Variants in DESI2 observed in about 807,000 individuals in gnomAD.
DESI2 encodes deubiquitinase DESI2.
A neutral mutation model predicts 24.1 loss-of-function variants in DESI2; 10 were observed. The ratio of observed to expected loss-of-function variants is 0.41; its 90% CI spans 0.26 to 0.70. The LOEUF (loss-of-function observed/expected upper bound fraction) is 0.70, where lower values mean the gene tolerates loss of function less well. DESI2 is among the 30% of genes least tolerant of loss of function. The probability of loss-of-function intolerance (pLI) is 0.29; values close to 1 mark genes in which losing one functional copy is unlikely to be tolerated. For missense variants in DESI2, 122 were observed against 234.9 expected (o/e 0.52, Z 3.14); for synonymous variants, 71 against 87.7 (o/e 0.81, Z 1.06).
chr1:244,697,488 A>G lies in DESI2; in HGVS notation c.351+5468A>G, dbSNP rs534927970. On this transcript the variant is annotated intron_variant, in intron 4 of 4. Coordinates refer to ENST00000302550, the MANE Select transcript of DESI2 (RefSeq NM_016076.5). ...GGAGCCTCTGTCTCAAAAAAAAAAA[A>G]AAAAAGGACTGAGAAAAGAAAGGAT... Among the ~76,000 whole-genome samples the G allele has an allele frequency of 2.6e-4, 39 of 152,196 alleles. 1 individual carries two copies. The East Asian group carries it at 7.5e-3, about 29-fold the overall frequency.
intron 1 of DESI2, among the ~76,000 whole-genome samples, chr1:244,659,067 T>G (rs1363566035): frequency 4.0e-5 from 6 of 151,886 alleles, no homozygotes; most frequent in Non-Finnish European, 8.8e-5. Flanking sequence ...GGAATTTACC[T>G]TAATTTACTT....
In DESI2 at chr1:244,707,682, A is replaced by C. The variant is rs1219216158; in HGVS notation, c.*1893A>C. On this transcript the variant is annotated 3_prime_UTR_variant, in exon 5 of 5. Coordinates refer to ENST00000302550, the MANE Select transcript of DESI2 (RefSeq NM_016076.5). ...AGTACAGTGTTTTCTAATTCATTCA[A>C]GTATATATGATTTAAACCTGGGCTA... The C allele has an allele frequency of 6.6e-6, 1 of 152,228 alleles. No individual in the cohort carries two copies. Among genetic ancestry groups the C allele is most frequent in the Non-Finnish European group, 1.5e-5 (1 of 68,046 alleles). The allele number at this position is 152,228 out of a possible 1,614,324, so 9.4% of individuals were successfully genotyped here.
intron 1 of DESI2, among the ~76,000 whole-genome samples, chr1:244,663,852 G>A (rs529088238): frequency 3.9e-4 from 59 of 151,638 alleles, no homozygotes; most frequent in African/African-American, 1.2e-3. Flanking sequence ...CCCCATCTCT[G>A]CTAAAAATAC....
intron 1 of DESI2, among the ~76,000 whole-genome samples, chr1:244,680,923 TA>T (rs886617158): frequency 6.7e-6 from 1 of 148,728 alleles, no homozygotes. Context: ...TGGCTTCTAT[TA>T]AAAAAAGAGC....
chr1:244,695,916 G>A (rs994524373), intron 4 of DESI2, among the ~76,000 whole-genome samples: 1 of 152,020 alleles, frequency 6.6e-6, no homozygotes. Flanking sequence ...TGGAGCTACA[G>A]GTACATGCCA....
intron 4 of DESI2, among the ~76,000 whole-genome samples, chr1:244,704,197 C>T (rs569705875): frequency 1.4e-4 from 21 of 152,114 alleles, no homozygotes; most frequent in Non-Finnish European, 2.8e-4. Context: ...TAAATTTTAG[C>T]TAATTTTTAG....
intron 1 of DESI2, among the ~76,000 whole-genome samples, chr1:244,663,403 C>G (rs1235575071): frequency 6.6e-6 from 1 of 151,912 alleles, no homozygotes; most frequent in African/African-American, 2.4e-5. Flanking sequence ...GTCTCGATCT[C>G]CTGACCTCGT....
At chr1:244,695,984 G>T (rs1677201689) in intron 4 of DESI2, among the ~76,000 whole-genome samples, 1 of 151,996 alleles carries the variant, frequency 6.6e-6, no homozygotes, top group Admixed American at 6.5e-5. Context: ...TGCCCAGGCT[G>T]GTCTGGAACT....
intron 1 of DESI2, among the ~76,000 whole-genome samples, chr1:244,669,916 A>G (rs1277971945): frequency 6.6e-6 from 1 of 152,186 alleles, no homozygotes; most frequent in East Asian, 1.9e-4. Context: ...TCTTACTTGA[A>G]GAAGCCTTTC....
chr1:244,689,570 C>T lies in DESI2; in HGVS notation c.209+228C>T, dbSNP rs1359075775. Among the ~76,000 whole-genome samples the T allele has an allele frequency of 1.3e-5, 2 of 151,726 alleles. No homozygotes were observed. Among genetic ancestry groups the T allele is most frequent in the African/African-American group, 4.8e-5 (2 of 41,248 alleles). On this transcript the variant is annotated intron_variant, in intron 3 of 4. Transcript: ENST00000302550. This position sits in a 1 kb window ranked among gnomAD's most constrained non-coding sequence, Gnocchi z 4.0. Reference sequence around the variant, plus strand: ...TGTCTCCCAGGCTGGAGAGAAGTGGCGTGATCTCAGCTCACTGCAGCGTCC... The same window carrying T: ...TGTCTCCCAGGCTGGAGAGAAGTGGTGTGATCTCAGCTCACTGCAGCGTCC...
chr1:244,704,681 C>A (rs990023912), intron 4 of DESI2, among the ~76,000 whole-genome samples: 3 of 150,312 alleles, frequency 2.0e-5, no homozygotes, highest in Non-Finnish European at 3.0e-5. Context: ...GTGTGTGAGA[C>A]GGAGTCTCAC....
At chr1:244,671,164 C>T (rs890415765) in intron 1 of DESI2, among the ~76,000 whole-genome samples, 4 of 152,138 alleles carry the variant, frequency 2.6e-5, no homozygotes, top group Admixed American at 6.5e-5. Context: ...TACTGTTTTC[C>T]TTTGGTATGT....
At position 244,706,595 on chromosome 1, in the gene DESI2, A is replaced by G. The variant is rs1270064278; in HGVS notation, c.*806A>G. 3 of 152,586 alleles carry G rather than the reference A, an allele frequency of 2.0e-5. No homozygotes were observed. The highest frequency in any genetic ancestry group is 7.2e-5 in the African/African-American group (3 of 41,430). The allele number at this position is 152,586 out of a possible 1,614,324, so 9.5% of individuals were successfully genotyped here. On this transcript the variant is annotated 3_prime_UTR_variant, in exon 5 of 5. Coordinates refer to ENST00000302550, the MANE Select transcript of DESI2 (RefSeq NM_016076.5). ...GTATTGGGGGAGGCGCTTCATTTTT[A>G]TTTTAATACACATGTATTTCCTCCT...
At chr1:244,702,445 T>A in intron 4 of DESI2, among the ~76,000 whole-genome samples, 1 of 152,104 alleles carries the variant, frequency 6.6e-6, no homozygotes, top group East Asian at 1.9e-4. Context: ...ACCTGGCAGG[T>A]GGAGATTGCA....
At chr1:244,683,743 CA>C (rs1676716223) in intron 1 of DESI2, among the ~76,000 whole-genome samples, 1 of 151,924 alleles carries the variant, frequency 6.6e-6, no homozygotes, top group Non-Finnish European at 1.5e-5. Context: ...TTTTTAGAGA[CA>C]GGGTCTCACT....
chr1:244,683,598 A>C (rs533599312), intron 1 of DESI2, among the ~76,000 whole-genome samples: 3 of 152,268 alleles, frequency 2.0e-5, no homozygotes, highest in African/African-American at 7.2e-5. Context: ...GGCGTGAGCC[A>C]CCGCGCCCAG....
chr1:244,686,258 G>A (rs886445801), intron 1 of DESI2, among the ~76,000 whole-genome samples: 1 of 151,374 alleles, frequency 6.6e-6, no homozygotes. Flanking sequence ...CTCTGTGTGT[G>A]TGTGTGTATG....
intron 1 of DESI2, among the ~76,000 whole-genome samples, chr1:244,677,938 AATG>A (rs888630548): frequency 3.3e-5 from 5 of 152,030 alleles, no homozygotes; most frequent in Non-Finnish European, 5.9e-5. Flanking sequence ...TAACAGTAAT[AATG>A]ATGATGATGT....
intron 1 of DESI2, among the ~76,000 whole-genome samples, chr1:244,676,464 T>C (rs1256590159): frequency 1.3e-5 from 2 of 152,166 alleles, no homozygotes; most frequent in African/African-American, 4.8e-5. Context: ...GGATTCCTTA[T>C]GATTTTCCTG....
Sources: gnomAD v4.1 joint callset for allele counts (sites outside exome capture counted in the v4.1 genomes callset) on GRCh38, gnomAD v4.1.1 for gene constraint, Gnocchi (gnomAD v3.1) non-coding constraint, MANE v1.5 for transcripts, NCBI Gene and HGNC (gene_info 2026-07-23, HGNC 2026-07-21) for gene names.